BRINP3: variants seen among roughly 807,000 people sequenced by gnomAD.
BRINP3 encodes BMP/retinoic acid-inducible neural-specific protein 3.
Under a neutral mutation model 71.0 loss-of-function variants are expected in BRINP3, and 19 were observed. The observed-to-expected ratio is 0.27, with a 90% CI of 0.19 to 0.39. The LOEUF (loss-of-function observed/expected upper bound fraction) is 0.39, where lower values mean the gene tolerates loss of function less well. BRINP3 is among the 10% of genes least tolerant of loss of function. The pLI, the probability that BRINP3 is intolerant of heterozygous loss-of-function variation, is 1.00. For synonymous variants in BRINP3, 380 were observed against 337.7 expected (o/e 1.13, Z -1.37); for missense variants, 959 against 940.8 (o/e 1.02, Z -0.25).
intron 6 of BRINP3, among the ~76,000 whole-genome samples, chr1:190,212,043 A>G (rs1656033411): frequency 6.6e-6 from 1 of 152,148 alleles, no homozygotes; most frequent in African/African-American, 2.4e-5. Context: ...ATCACAATAA[A>G]TTAAAACCAT....
At chr1:190,368,352 T>A (rs892088157) in intron 2 of BRINP3, among the ~76,000 whole-genome samples, 7 of 152,066 alleles carry the variant, frequency 4.6e-5, no homozygotes, top group Non-Finnish European at 1.0e-4. Context: ...ACCACCCACA[T>A]GATTAAATTA....
intron 1 of BRINP3, among the ~76,000 whole-genome samples, chr1:190,469,898 T>A (rs2102702866): frequency 6.6e-6 from 1 of 151,296 alleles, no homozygotes; most frequent in African/African-American, 2.4e-5. Flanking sequence ...ACTCATGCTT[T>A]AATGGCTAAA....
chr1:190,458,211 G>A lies in BRINP3; in HGVS notation c.-50-3271C>T, dbSNP rs574374751. 8.4e-4 allele frequency among the ~76,000 whole-genome samples: 128 copies of A among 152,120 alleles called. 1 individual carries two copies. The highest frequency in any genetic ancestry group is 1.5e-3 in the Non-Finnish European group (100 of 67,922). On this transcript the variant is annotated intron_variant, in intron 1 of 7. Coordinates refer to ENST00000367462, the MANE Select transcript of BRINP3 (RefSeq NM_199051.3). ...GTACAGAAATAATTTTTTTCTGAAA[G>A]TTTGTTAACACATAGGAATGTCAAT... is the stretch of plus-strand genomic sequence containing the variant.
chr1:190,357,792 T>C (rs1022992637), intron 2 of BRINP3, among the ~76,000 whole-genome samples: 4 of 151,692 alleles, frequency 2.6e-5, no homozygotes, highest in African/African-American at 9.7e-5. Context: ...TGATTCTTCC[T>C]ATCTGGTACC....
At chr1:190,324,612 A>T (rs7546329) in intron 2 of BRINP3, among the ~76,000 whole-genome samples, 19,787 of 151,870 alleles carry the variant, frequency 0.13, 1,677 homozygotes, top group South Asian at 0.26. Context: ...TTCCTGACTT[A>T]TTTTGGGGAA....
At chr1:190,300,246 T>G (rs1359720497) in intron 2 of BRINP3, among the ~76,000 whole-genome samples, 1 of 152,110 alleles carries the variant, frequency 6.6e-6, no homozygotes, top group Non-Finnish European at 1.5e-5. Context: ...GCTTTGCTTG[T>G]TTCTTTTTAT....
chr1:190,245,622 CTT>C (rs1021241761), intron 4 of BRINP3, among the ~76,000 whole-genome samples: 2 of 151,516 alleles, frequency 1.3e-5, no homozygotes, highest in South Asian at 2.1e-4. Context: ...TTTTATTAAA[CTT>C]TAAGTTTTAG....
intron 7 of BRINP3, among the ~76,000 whole-genome samples, chr1:190,106,892 T>C (rs1327615912): frequency 6.6e-6 from 1 of 151,760 alleles, no homozygotes; most frequent in Non-Finnish European, 1.5e-5. Context: ...ACAAATGAAA[T>C]TGTATAATTT....
chr1:190,242,407 CA>C (rs1382347766), intron 4 of BRINP3, among the ~76,000 whole-genome samples: 3 of 151,898 alleles, frequency 2.0e-5, no homozygotes, highest in Non-Finnish European at 4.4e-5. Context: ...GGGCCTTCTC[CA>C]AACATATAGA....
intron 1 of BRINP3, chr1:190,474,477 C>T (rs1202605659): frequency 6.6e-6 from 1 of 152,658 alleles, no homozygotes; most frequent in Admixed American, 6.5e-5. Context: ...TCTGAATCAT[C>T]TGTCTTCCAA....
intron 2 of BRINP3, among the ~76,000 whole-genome samples, chr1:190,400,286 C>T (rs1257061115): frequency 6.6e-6 from 1 of 152,076 alleles, no homozygotes; most frequent in Admixed American, 6.6e-5. Context: ...TAAGCTATAA[C>T]TTATGAGTTG....
intron 7 of BRINP3, among the ~76,000 whole-genome samples, chr1:190,130,746 A>G (rs1233332563): frequency 6.6e-6 from 1 of 151,978 alleles, no homozygotes; most frequent in Non-Finnish European, 1.5e-5. Context: ...CAAGTTCTTG[A>G]CCACACAGTC....
chr1:190,270,954 T>C (rs1415987082), intron 3 of BRINP3, among the ~76,000 whole-genome samples: 1 of 151,554 alleles, frequency 6.6e-6, no homozygotes, highest in Admixed American at 6.6e-5. Flanking sequence ...TATCAAATAT[T>C]TTCTTCAATT....
At chr1:190,434,796 A>T (rs890505018) in intron 2 of BRINP3, among the ~76,000 whole-genome samples, 1 of 152,160 alleles carries the variant, frequency 6.6e-6, no homozygotes, top group African/African-American at 2.4e-5. Context: ...TTGATTTATA[A>T]TACCCAAGCC....
chr1:190,411,486 T>C (rs1005369025), intron 2 of BRINP3, among the ~76,000 whole-genome samples: 8 of 152,182 alleles, frequency 5.3e-5, no homozygotes, highest in African/African-American at 1.7e-4. Context: ...CTCCTAATTG[T>C]CTTACTCTGT....
intron 6 of BRINP3, among the ~76,000 whole-genome samples, chr1:190,204,542 A>AT (rs1209857769): frequency 5.3e-5 from 8 of 151,430 alleles, no homozygotes; most frequent in Non-Finnish European, 3.0e-5. Flanking sequence ...AGCAATTAAG[A>AT]AAAAAAAAGT....
intron 1 of BRINP3, among the ~76,000 whole-genome samples, chr1:190,456,965 T>C (rs529465536): frequency 6.6e-6 from 1 of 152,156 alleles, no homozygotes; most frequent in African/African-American, 2.4e-5. Flanking sequence ...AGAATATTAT[T>C]GAAAAAATTC....
At chr1:190,117,885 T>A (rs767016023) in intron 7 of BRINP3, among the ~76,000 whole-genome samples, 53 of 152,206 alleles carry the variant, frequency 3.5e-4, no homozygotes, top group Middle Eastern at 3.4e-3. Context: ...TGCCATTGAC[T>A]TTTTGTAGAA....
chr1:190,293,128 T>G (rs767125707), intron 2 of BRINP3, among the ~76,000 whole-genome samples: 2 of 152,076 alleles, frequency 1.3e-5, no homozygotes, highest in African/African-American at 2.4e-5. Flanking sequence ...TAAGTTTTTA[T>G]GTGAAGTCTT....
Sources: gnomAD v4.1 joint callset for allele counts (sites outside exome capture counted in the v4.1 genomes callset) on GRCh38, gnomAD v4.1.1 for gene constraint, MANE v1.5 for transcripts, NCBI Gene and HGNC (gene_info 2026-07-23, HGNC 2026-07-21) for gene names.